Variants in DNAH12 observed in about 807,000 individuals in gnomAD.
The protein encoded by DNAH12 is dynein axonemal heavy chain 12, also known as axonemal beta dynein heavy chain 12.
A neutral mutation model predicts 371.5 loss-of-function variants in DNAH12; 285 were observed. That is an observed-to-expected ratio of 0.77 (90% confidence interval 0.70 to 0.85). DNAH12 has a LOEUF of 0.85. Among genes scored for constraint, DNAH12 ranks in the 40% least tolerant of loss-of-function variants. The pLI is 0.00. For synonymous variants in DNAH12, 1,200 were observed against 1,213.0 expected (o/e 0.99, Z 0.22); for missense variants, 3,611 against 3,689.4 (o/e 0.98, Z 0.55).
intron 43 of DNAH12, chr3:57,402,310 CTTTT>C: frequency 1.1e-6 from 1 of 934,408 alleles, no homozygotes; most frequent in South Asian, 1.8e-5. Context: ...CAATTTCTCC[CTTTT>C]TTTTTTCCAC....
intron 30 of DNAH12, among the ~76,000 whole-genome samples, chr3:57,435,307 G>A (rs2065083549): frequency 6.8e-6 from 1 of 147,180 alleles, no homozygotes; most frequent in East Asian, 2.0e-4. Flanking sequence ...AGGAGGTGGA[G>A]GTTGCAGTGA....
At position 57,452,885 on chromosome 3, in the gene DNAH12, T is replaced by C. The variant is rs2065795342; in HGVS notation, c.3744A>G (p.Arg1248=). Residue 1248 remains arginine (R), a synonymous_variant, in exon 25 of 74, where the codon CGA becomes CGG. Coordinates refer to ENST00000495027, the MANE Select transcript of DNAH12 (RefSeq NM_001366028.2). ...TGTCAGTTAGAGGCGTAATGACAAG[T>C]CGAGGTGAGTTACCAAGATATTCAT... ...YAYEYLGNSP[R]LVITPLTDRC... is the part of the protein sequence containing the mutation. 6.4e-7 allele frequency: 1 copy of C among 1,551,006 alleles called. No homozygotes were observed. The highest frequency in any genetic ancestry group is 2.4e-5 in the East Asian group (1 of 40,886).
chr3:57,555,222 TGA>T, the DNAH12 span, among the ~76,000 whole-genome samples: 12 of 150,666 alleles, frequency 8.0e-5, no homozygotes, highest in Non-Finnish European at 1.6e-4. Context: ...CCAGCTTGGG[TGA>T]AAGAGCAAGG....
Position 57,405,712 on chromosome 3 carries a change from C to A in DNAH12, c.6517G>T (p.Asp2173Tyr). ...CTGTGAAATGATTCTTTAAAATGGT[C>A]CTTTATAACAGTTTTAGTTAACTGG... is the stretch of plus-strand genomic sequence containing the variant. ...LFQLTKTVIK[D>Y]HFKESFHSIF... The change falls in exon 41 of 74, where the codon GAC (aspartate) becomes TAC (tyrosine). Residue 2173 changes from aspartate to tyrosine, a missense_variant. By Grantham distance (160) the Asp-to-Tyr change is radical. Around this residue, in one of 3 missense-constraint regions of DNAH12, gnomAD observed 2,266 missense variants for 2,236.9 expected, o/e 1.01. Coordinates refer to ENST00000495027, the MANE Select transcript of DNAH12 (RefSeq NM_001366028.2). 2 of 1,551,578 alleles carry A rather than the reference C, an allele frequency of 1.3e-6. No homozygotes were observed. The highest frequency in any genetic ancestry group is 2.4e-5 in the South Asian group (2 of 84,036).
chr3:57,539,545 C>T (rs972551913), intron 2 of DNAH12, among the ~76,000 whole-genome samples: 50 of 152,248 alleles, frequency 3.3e-4, no homozygotes, highest in African/African-American at 1.2e-3. Flanking sequence ...ATATTACCTC[C>T]ACAGGCCTTT....
chr3:57,387,922 C>A (rs1463968443), intron 45 of DNAH12, among the ~76,000 whole-genome samples: 1 of 152,218 alleles, frequency 6.6e-6, no homozygotes, highest in African/African-American at 2.4e-5. Flanking sequence ...AAAAGCCCCA[C>A]TCTGCTTACC....
Position 57,383,145 on chromosome 3 carries a change from G to A in DNAH12, c.7861-752C>T, listed in dbSNP as rs919151437. Among the ~76,000 whole-genome samples the A allele has an allele frequency of 2.9e-3, 439 of 152,268 alleles. 1 individual carries two copies. Among genetic ancestry groups the A allele is most frequent in the African/African-American group, 0.01 (419 of 41,566 alleles). On this transcript the variant is annotated intron_variant, in intron 49 of 73. Coordinates refer to ENST00000495027, the MANE Select transcript of DNAH12 (RefSeq NM_001366028.2). Reference sequence around the variant, plus strand: ...TGCTCTAGTAGACCATTTCTGCAGCGTGGCTTTGTGAGTCATTCCTGGAAG... The same window carrying A: ...TGCTCTAGTAGACCATTTCTGCAGCATGGCTTTGTGAGTCATTCCTGGAAG...
rs1172123148 is a variant in DNAH12 at position 57,507,840 on chromosome 3, T to C, written c.702-2A>G. Reference sequence around the variant, plus strand: ...TCACAGTCAATTGGACCTTTAGCTCTATTTATGAGAAAAAGAAATGTGATT... The same window carrying C: ...TCACAGTCAATTGGACCTTTAGCTCCATTTATGAGAAAAAGAAATGTGATT... On this transcript the variant is annotated splice_acceptor_variant, in intron 7 of 73. Transcript: ENST00000495027. LOFTEE classifies it high-confidence loss of function. 2 of 1,561,578 alleles carry C rather than the reference T, an allele frequency of 1.3e-6. No homozygotes were observed. Among genetic ancestry groups the C allele is most frequent in the Non-Finnish European group, 1.7e-6 (2 of 1,165,004 alleles).
At chr3:57,372,147 T>C (rs1310124146) in intron 55 of DNAH12, among the ~76,000 whole-genome samples, 2 of 152,004 alleles carry the variant, frequency 1.3e-5, no homozygotes, top group African/African-American at 4.8e-5. Flanking sequence ...ATTCCTGACA[T>C]AAATAAAATA....
chr3:57,322,570 T>C, intron 64 of DNAH12, 87 bp from the exon 65 acceptor site: 4 of 1,379,436 alleles, frequency 2.9e-6, no homozygotes, highest in Middle Eastern at 1.8e-4. Flanking sequence ...AAAACAGGCA[T>C]AATGGAGAAC....
chr3:57,403,464 G>A lies in DNAH12; in HGVS notation c.6793C>T (p.Leu2265=), dbSNP rs1553679823. 6.4e-7 allele frequency: 1 copy of A among 1,550,504 alleles called. No homozygotes were observed. The highest frequency in any genetic ancestry group is 1.2e-5 in the South Asian group (1 of 83,710). ...LEHLSRICRV[L]KQSGGNALLV... Reference sequence around the variant, plus strand: ...AAAGCATTTCCACCAGATTGCTTTAGAACTCGACATATTCTTGATAAATGT... The same window carrying A: ...AAAGCATTTCCACCAGATTGCTTTAAAACTCGACATATTCTTGATAAATGT... The change falls in exon 43 of 74, where the codon CTA becomes TTA. Residue 2265 remains leucine, a synonymous_variant. Transcript: ENST00000495027.
intron 62 of DNAH12, among the ~76,000 whole-genome samples, chr3:57,324,659 T>C (rs1016080650): frequency 9.2e-5 from 14 of 152,106 alleles, no homozygotes; most frequent in African/African-American, 3.4e-4. Context: ...AGAGGGGTGA[T>C]TTCTGCATTT....
At chr3:57,501,002 A>AAGAGG (rs1313949900) in intron 11 of DNAH12, among the ~76,000 whole-genome samples, 1 of 152,190 alleles carries the variant, frequency 6.6e-6, no homozygotes, top group Non-Finnish European at 1.5e-5. Flanking sequence ...GCTGGTCTCA[A>AAGAGG]ATTCCTGGGC....
chr3:57,403,561 A>G, intron 42 of DNAH12, 60 bp from the exon 43 acceptor site: 2 of 1,418,118 alleles, frequency 1.4e-6, no homozygotes, highest in Non-Finnish European at 9.5e-7. Flanking sequence ...GTATAGTTAC[A>G]TGTAACTATT....
chr3:57,367,472 T>C (rs1311069989), intron 56 of DNAH12, among the ~76,000 whole-genome samples: 2 of 152,250 alleles, frequency 1.3e-5, no homozygotes, highest in Non-Finnish European at 2.9e-5. Flanking sequence ...AAGATTTATT[T>C]TGAGCTTTCT....
Position 57,309,261 on chromosome 3 carries a change from G to T in DNAH12, c.11086-7C>A. 2.6e-6 allele frequency: 4 copies of T among 1,535,002 alleles called. No individual in the cohort carries two copies. The African/African-American group carries it at 4.2e-5, about 16-fold the overall frequency. On this transcript the variant is annotated splice_region_variant and splice_polypyrimidine_tract_variant and intron_variant, in intron 68 of 73. Coordinates refer to ENST00000495027, the MANE Select transcript of DNAH12 (RefSeq NM_001366028.2). Reference sequence around the variant, plus strand: ...TGTCGAAATCACTAGGGAGCTAAAAGAATAGATTTTGAAGATCACAAATTA... The same window carrying T: ...TGTCGAAATCACTAGGGAGCTAAAATAATAGATTTTGAAGATCACAAATTA...
At chr3:57,480,131 A>G (rs1176721368) in intron 13 of DNAH12, among the ~76,000 whole-genome samples, 1 of 152,162 alleles carries the variant, frequency 6.6e-6, no homozygotes, top group Admixed American at 6.6e-5. Flanking sequence ...TGAATCCAGG[A>G]GCTGGTTTTT....
At chr3:57,387,050 C>T (rs2063511379) in intron 46 of DNAH12, 36 bp downstream of exon 46, 1 of 152,102 alleles carries the variant, frequency 6.6e-6, no homozygotes, top group Non-Finnish European at 1.5e-5. Context: ...CTTCACAAAT[C>T]CCTTCATTGT....
At chr3:57,415,665 C>A (rs1354206477) in intron 37 of DNAH12, 101 bp from the exon 38 acceptor site, 2 of 1,178,304 alleles carry the variant, frequency 1.7e-6, no homozygotes, top group East Asian at 2.8e-5. Context: ...AGAATCAAAT[C>A]ATCTTCATTA....
Sources: gnomAD v4.1 joint callset for allele counts (sites outside exome capture counted in the v4.1 genomes callset) on GRCh38, gnomAD v4.1.1 for gene constraint, gnomAD v4.1.1 regional missense constraint, MANE v1.5 for transcripts, NCBI Gene and HGNC (gene_info 2026-07-23, HGNC 2026-07-21) for gene names.